The following DBNL variants were observed in gnomAD, a reference collection of about 807,000 sequenced individuals.
DBNL encodes drebrin-like protein.
DBNL carries 35 observed loss-of-function variants against 62.2 expected under a neutral mutation model. The ratio of observed to expected loss-of-function variants is 0.56; its 90% CI spans 0.43 to 0.75. The LOEUF (loss-of-function observed/expected upper bound fraction) is 0.75, where lower values mean the gene tolerates loss of function less well. Among genes scored for constraint, DBNL ranks in the 30% least tolerant of loss-of-function variants. DBNL has a pLI of 0.00. For synonymous variants in DBNL, 197 were observed against 218.0 expected, an observed-to-expected ratio of 0.90 and a Z score of 0.85; for missense variants, 495 against 578.4, an observed-to-expected ratio of 0.86 and a Z score of 1.48.
rs573340739 is a variant in DBNL at position 44,052,835 on chromosome 7, C to T, written c.253-32C>T. 1.4e-4 allele frequency: 230 copies of T among 1,612,680 alleles called. 3 individuals are homozygous for T. The South Asian group carries it at 2.2e-3, about 15-fold the overall frequency. On this transcript the variant is annotated intron_variant, in intron 3 of 12. Transcript: ENST00000448521. Reference sequence around the variant, plus strand: ...GGAAGGGAAGTGGCTTTGGGGGAGGCCTGGGTCAACCTGGGCATCCTTGTG... The same window carrying T: ...GGAAGGGAAGTGGCTTTGGGGGAGGTCTGGGTCAACCTGGGCATCCTTGTG...
intron 7 of DBNL, 30 bp downstream of exon 7, chr7:44,058,310 G>C: frequency 6.3e-7 from 1 of 1,580,550 alleles, no homozygotes; most frequent in Non-Finnish European, 8.6e-7. Context: ...TGGCCTGGGG[G>C]ACCCACCCTG....
At position 44,055,556 on chromosome 7, in the gene DBNL, C is replaced by T. The variant is rs764822071; in HGVS notation, c.328-1201C>T. ...GTGTATAAGAATTTCCCTTTCTCCA[C>T]ATCCTTGCTAGCATTTATTTTTTAT... On this transcript the variant is annotated intron_variant, in intron 4 of 12. Coordinates refer to ENST00000448521, the MANE Select transcript of DBNL (RefSeq NM_001014436.3). Among the ~76,000 whole-genome samples, 115 of 152,224 alleles carry T rather than the reference C, an allele frequency of 7.6e-4. 1 individual carries two copies. The highest frequency in any genetic ancestry group is 1.4e-3 in the Non-Finnish European group (94 of 68,048).
rs2096163744 is a variant in DBNL, at chr7:44,068,442, A to G, written c.*7526A>G. 6.6e-6 allele frequency: 1 copy of G among 152,252 alleles called. No homozygotes were observed. The highest frequency in any genetic ancestry group is 1.5e-5 in the Non-Finnish European group (1 of 68,050). The allele number at this position is 152,252 out of a possible 1,614,324, so 9.4% of individuals were successfully genotyped here. ...GCAGGTCCCAGACTGACCGGTGTAG[A>G]TACAGGACTAATATGACTAGTAGTG... is the stretch of plus-strand genomic sequence containing the variant. On this transcript the variant is annotated 3_prime_UTR_variant, in exon 13 of 13. Coordinates refer to ENST00000448521, the MANE Select transcript of DBNL (RefSeq NM_001014436.3).
chr7:44,063,219 C>A lies in DBNL; in HGVS notation c.*2303C>A. The A allele has an allele frequency of 2.1e-6, 1 of 481,178 alleles. No homozygotes were observed. The highest frequency in any genetic ancestry group is 3.8e-6 in the Non-Finnish European group (1 of 262,392). 29.8% of individuals were successfully genotyped at this position (481,178 alleles called of 1,614,324 possible). Reference sequence around the variant, plus strand: ...TAGTTCCCTCAGCCCAGTGTGACTCCAGCCAGACTGAAGTTGAGGGTCAGG... The same window carrying A: ...TAGTTCCCTCAGCCCAGTGTGACTCAAGCCAGACTGAAGTTGAGGGTCAGG... On this transcript the variant is annotated 3_prime_UTR_variant, in exon 13 of 13. Coordinates refer to ENST00000448521, the MANE Select transcript of DBNL (RefSeq NM_001014436.3).
chr7:44,063,067 A>G lies in DBNL; in HGVS notation c.*2151A>G. On this transcript the variant is annotated 3_prime_UTR_variant, in exon 13 of 13. Coordinates refer to ENST00000448521, the MANE Select transcript of DBNL (RefSeq NM_001014436.3). ...TTCCCAGCCCTGAGAACGAGGCCAC[A>G]GAAATGTTGCCAAAGGTCAAGGAGT... 2 of 919,134 alleles carry G rather than the reference A, an allele frequency of 2.2e-6. No individual in the cohort carries two copies. Among genetic ancestry groups the G allele is most frequent in the Non-Finnish European group, 3.5e-6 (2 of 570,724 alleles). 56.9% of individuals were successfully genotyped at this position (919,134 alleles called of 1,614,324 possible). A position where few individuals can be genotyped will look rare whatever the true frequency, so the allele number is the denominator to read the frequency against.
Position 44,060,276 on chromosome 7 carries a change from C to A in DBNL, c.1153+123C>A. On this transcript the variant is annotated intron_variant, in intron 12 of 12. Coordinates refer to ENST00000448521, the MANE Select transcript of DBNL (RefSeq NM_001014436.3). This position sits in a 1 kb window ranked among gnomAD's most constrained non-coding sequence, Gnocchi z 6.3. ...CAGGAAGAGAAGACAGGAGGGTGGGCGGTGCGTTTAGGGGTAGAAGCACCT... is the reference window on the plus strand; with the variant it reads ...CAGGAAGAGAAGACAGGAGGGTGGGAGGTGCGTTTAGGGGTAGAAGCACCT... 1.1e-6 allele frequency: 1 copy of A among 907,642 alleles called. No homozygotes were observed. The highest frequency in any genetic ancestry group is 1.7e-6 in the Non-Finnish European group (1 of 594,530). 56.2% of individuals were successfully genotyped at this position (907,642 alleles called of 1,614,324 possible).
At position 44,053,887 on chromosome 7, in the gene DBNL, A is replaced by G. The variant is rs184978161; in HGVS notation, c.327+946A>G. 2.1e-3 allele frequency among the ~76,000 whole-genome samples: 312 copies of G among 152,136 alleles called. 8 individuals are homozygous for G. Among genetic ancestry groups the G allele is most frequent in the South Asian group, 2.5e-3 (12 of 4,812 alleles). On this transcript the variant is annotated intron_variant, in intron 4 of 12. Coordinates refer to ENST00000448521, the MANE Select transcript of DBNL (RefSeq NM_001014436.3). Reference sequence around the variant, plus strand: ...GAGACGGGGTTTCACTGTGTTAGCCAGGATGGTCTCGATCTCCTGACCTCG... The same window carrying G: ...GAGACGGGGTTTCACTGTGTTAGCCGGGATGGTCTCGATCTCCTGACCTCG...
In DBNL at chr7:44,063,082, G is replaced by T; in HGVS notation, c.*2166G>T. ...ACGAGGCCACAGAAATGTTGCCAAAGGTCAAGGAGTAACTGAGTTAGACCA... is the reference window on the plus strand; with the variant it reads ...ACGAGGCCACAGAAATGTTGCCAAATGTCAAGGAGTAACTGAGTTAGACCA... On this transcript the variant is annotated 3_prime_UTR_variant, in exon 13 of 13. Transcript: ENST00000448521. 1.2e-6 allele frequency: 1 copy of T among 811,834 alleles called. No homozygotes were observed. The highest frequency in any genetic ancestry group is 2.1e-6 in the Non-Finnish European group (1 of 481,908). The allele number at this position is 811,834 out of a possible 1,614,324, so 50.3% of individuals were successfully genotyped here. A position where few individuals can be genotyped will look rare whatever the true frequency, so the allele number is the denominator to read the frequency against.
chr7:44,063,059 G>C lies in DBNL; in HGVS notation c.*2143G>C, dbSNP rs555315183. On this transcript the variant is annotated 3_prime_UTR_variant, in exon 13 of 13. Coordinates refer to ENST00000448521, the MANE Select transcript of DBNL (RefSeq NM_001014436.3). The stretch of plus-strand genomic sequence containing the variant: ...CCAATTCCTTCCCAGCCCTGAGAAC[G>C]AGGCCACAGAAATGTTGCCAAAGGT... The C allele has an allele frequency of 2.0e-6, 2 of 983,286 alleles. No individual in the cohort carries two copies. The highest frequency in any genetic ancestry group is 3.2e-6 in the Non-Finnish European group (2 of 625,000). 60.9% of individuals were successfully genotyped at this position (983,286 alleles called of 1,614,324 possible). A position where few individuals can be genotyped will look rare whatever the true frequency, so the allele number is the denominator to read the frequency against.
At chr7:44,057,749 G>C in intron 5 of DBNL, 33 bp from the exon 6 acceptor site, 1 of 1,613,592 alleles carries the variant, frequency 6.2e-7, no homozygotes. Flanking sequence ...TTCCACCTGG[G>C]TCCAGGTCTC....
Position 44,059,075 on chromosome 7 carries a change from A to G in DBNL, c.835+92A>G. ...TGGGCTCCCCCAAGGCTAGTGACAGATATATCGGTGACGGGTGAGTGAGTG... is the reference window on the plus strand; with the variant it reads ...TGGGCTCCCCCAAGGCTAGTGACAGGTATATCGGTGACGGGTGAGTGAGTG... On this transcript the variant is annotated intron_variant, in intron 9 of 12. Coordinates refer to ENST00000448521, the MANE Select transcript of DBNL (RefSeq NM_001014436.3). This position sits in a 1 kb window ranked among gnomAD's most constrained non-coding sequence, Gnocchi z 4.1. The G allele has an allele frequency of 2.2e-6, 3 of 1,382,922 alleles. No individual in the cohort carries two copies. Among genetic ancestry groups the G allele is most frequent in the South Asian group, 1.2e-5 (1 of 83,004 alleles). The allele number at this position is 1,382,922 out of a possible 1,614,324, so 85.7% of individuals were successfully genotyped here. A position where few individuals can be genotyped will look rare whatever the true frequency, so the allele number is the denominator to read the frequency against.
At position 44,065,053 on chromosome 7, in the gene DBNL, G is replaced by A; in HGVS notation, c.*4137G>A. 6.2e-7 allele frequency: 1 copy of A among 1,609,516 alleles called. No homozygotes were observed. The highest frequency in any genetic ancestry group is 8.5e-7 in the Non-Finnish European group (1 of 1,179,740). On this transcript the variant is annotated 3_prime_UTR_variant, in exon 13 of 13. Transcript: ENST00000448521. ...ACGCTGCTTTCCCTCCCAAGCCAGT[G>A]GGCCCCCACCCGACTCCCCACTCTG...
In DBNL at chr7:44,068,356, G is replaced by A. The variant is rs142850228; in HGVS notation, c.*7440G>A. 4.3e-4 allele frequency: 65 copies of A among 152,382 alleles called. No individual in the cohort carries two copies. The highest frequency in any genetic ancestry group is 1.5e-3 in the African/African-American group (64 of 41,564). The allele number at this position is 152,382 out of a possible 1,614,324, so 9.4% of individuals were successfully genotyped here. A position where few individuals can be genotyped will look rare whatever the true frequency, so the allele number is the denominator to read the frequency against. The stretch of plus-strand genomic sequence containing the variant: ...GATGAAGTGAGTGATCCGATAAAGT[G>A]ATATGTGAAGTCATTGGCTTGCTGC... On this transcript the variant is annotated 3_prime_UTR_variant, in exon 13 of 13. Transcript: ENST00000448521.
chr7:44,065,081 G>A lies in DBNL; in HGVS notation c.*4165G>A. On this transcript the variant is annotated 3_prime_UTR_variant, in exon 13 of 13. Coordinates refer to ENST00000448521, the MANE Select transcript of DBNL (RefSeq NM_001014436.3). ...CCCCCACCCGACTCCCCACTCTGCA[G>A]CTTCCCAGAGGCCTTCCCAGCAAAG... 1 of 1,612,468 alleles carries A rather than the reference G, an allele frequency of 6.2e-7. No homozygotes were observed. The highest frequency in any genetic ancestry group is 8.5e-7 in the Non-Finnish European group (1 of 1,179,916).
rs2096162211 is a variant in DBNL, at chr7:44,067,504, G to C, written c.*6588G>C. ...AAGCAGGAGGTGTCAAAAAGGAAAG[G>C]GGAGCCCAAAGAAGGGCTGGACTTC... On this transcript the variant is annotated 3_prime_UTR_variant, in exon 13 of 13. Coordinates refer to ENST00000448521, the MANE Select transcript of DBNL (RefSeq NM_001014436.3). 6.6e-6 allele frequency: 1 copy of C among 152,216 alleles called. No individual in the cohort carries two copies. Among genetic ancestry groups the C allele is most frequent in the Non-Finnish European group, 1.5e-5 (1 of 68,050 alleles). The allele number at this position is 152,216 out of a possible 1,614,324, so 9.4% of individuals were successfully genotyped here. A position where few individuals can be genotyped will look rare whatever the true frequency, so the allele number is the denominator to read the frequency against.
At chr7:44,058,829 G>A (rs1463534239) in intron 8 of DBNL, 73 bp from the exon 9 acceptor site, 3 of 1,571,908 alleles carry the variant, frequency 1.9e-6, no homozygotes, top group South Asian at 2.2e-5. Context: ...GCCGACAGCT[G>A]GAGGGGCTGT....
chr7:44,061,124 C>T lies in DBNL; in HGVS notation c.*208C>T. 1 of 647,992 alleles carries T rather than the reference C, an allele frequency of 1.5e-6. No homozygotes were observed. 40.1% of individuals were successfully genotyped at this position (647,992 alleles called of 1,614,324 possible). A position where few individuals can be genotyped will look rare whatever the true frequency, so the allele number is the denominator to read the frequency against. ...GATTCCCACACATCCTTCCTGCATC[C>T]CCCGACCCTCCCAGACAGCTTGGCT... On this transcript the variant is annotated 3_prime_UTR_variant, in exon 13 of 13. Coordinates refer to ENST00000448521, the MANE Select transcript of DBNL (RefSeq NM_001014436.3).
In DBNL at chr7:44,059,096, G is replaced by A; in HGVS notation, c.835+113G>A. ...ACAGATATATCGGTGACGGGTGAGT[G>A]AGTGAGGAGAAGGGACACCTGGGGC... On this transcript the variant is annotated intron_variant, in intron 9 of 12. Coordinates refer to ENST00000448521, the MANE Select transcript of DBNL (RefSeq NM_001014436.3). This position sits in a 1 kb window ranked among gnomAD's most constrained non-coding sequence, Gnocchi z 4.1. The A allele has an allele frequency of 1.2e-5, 14 of 1,196,924 alleles. No homozygotes were observed. Among genetic ancestry groups the A allele is most frequent in the Non-Finnish European group, 1.7e-5 (14 of 841,086 alleles). 74.1% of individuals were successfully genotyped at this position (1,196,924 alleles called of 1,614,324 possible).
Position 44,064,808 on chromosome 7 carries a change from C to CCG in DBNL, c.*3893_*3894insGC. 3 of 1,553,292 alleles carry CCG rather than the reference C, an allele frequency of 1.9e-6. No homozygotes were observed. The highest frequency in any genetic ancestry group is 2.3e-5 in the East Asian group (1 of 43,664). On this transcript the variant is annotated 3_prime_UTR_variant, in exon 13 of 13. Coordinates refer to ENST00000448521, the MANE Select transcript of DBNL (RefSeq NM_001014436.3). Reference sequence around the variant, plus strand: ...TGGGGCTGCTGCCCACCCACCCTGCCCAGGCTCCTGAAGGTGGCCTCACCT... The same window carrying CCG: ...TGGGGCTGCTGCCCACCCACCCTGCCCGCAGGCTCCTGAAGGTGGCCTCACCT...
Sources: gnomAD v4.1 joint callset for allele counts (sites outside exome capture counted in the v4.1 genomes callset) on GRCh38, gnomAD v4.1.1 for gene constraint, Gnocchi (gnomAD v3.1) non-coding constraint, MANE v1.5 for transcripts, NCBI Gene and HGNC (gene_info 2026-07-23, HGNC 2026-07-21) for gene names.